The following ADAM22 variants were observed in gnomAD, a reference collection of about 807,000 sequenced individuals.
The protein encoded by ADAM22 is ADAM metallopeptidase domain 22.
ADAM22 carries 65 observed loss-of-function variants against 144.6 expected under a neutral mutation model. That is an observed-to-expected ratio of 0.45 (90% CI 0.37 to 0.55). The LOEUF is 0.55. Ranked by LOEUF, ADAM22 falls within the 20% of genes least tolerant of loss-of-function variation. The probability of loss-of-function intolerance (pLI) is 0.00; values close to 1 mark genes in which losing one functional copy is unlikely to be tolerated. For synonymous variants in ADAM22, 391 were observed against 412.6 expected (o/e 0.95, Z 0.63); for missense variants, 974 against 1,184.9 (o/e 0.82, Z 2.61).
intron 17 of ADAM22, 126 bp downstream of exon 17, chr7:88,145,633 G>C: frequency 1.4e-6 from 1 of 691,650 alleles, no homozygotes; most frequent in Non-Finnish European, 2.4e-6. Flanking sequence ...TAAGTGCCAG[G>C]TGCTTTATAG....
intron 14 of ADAM22, among the ~76,000 whole-genome samples, 180 bp from the exon 15 acceptor site, chr7:88,142,846 A>G (rs1835191288): frequency 6.6e-6 from 1 of 152,174 alleles, no homozygotes; most frequent in Non-Finnish European, 1.5e-5. Context: ...TCAAAAAAAA[A>G]AAAAAGAAAT....
At chr7:88,088,220 A>G (rs1818918213) in intron 4 of ADAM22, among the ~76,000 whole-genome samples, 1 of 152,198 alleles carries the variant, frequency 6.6e-6, no homozygotes, top group South Asian at 2.1e-4. Flanking sequence ...ACAAAGTAAC[A>G]AGGAATTTGA....
intron 14 of ADAM22, among the ~76,000 whole-genome samples, chr7:88,136,545 A>G (rs962492631): frequency 6.6e-6 from 1 of 152,130 alleles, no homozygotes; most frequent in Non-Finnish European, 1.5e-5. Flanking sequence ...TTTCATTTTT[A>G]TACTGTCCTC....
chr7:87,949,431 G>A (rs936256451), intron 2 of ADAM22, among the ~76,000 whole-genome samples: 1 of 152,188 alleles, frequency 6.6e-6, no homozygotes, highest in Non-Finnish European at 1.5e-5. Flanking sequence ...AATCATTCAT[G>A]TCACTTTATA....
intron 2 of ADAM22, 50 bp downstream of exon 2, chr7:87,935,236 G>T: frequency 6.7e-7 from 1 of 1,501,108 alleles, no homozygotes; most frequent in South Asian, 1.3e-5. Context: ...CGGCCCACCC[G>T]AGACCCCACG....
intron 4 of ADAM22, among the ~76,000 whole-genome samples, chr7:88,085,292 G>A (rs1014314818): frequency 6.6e-6 from 1 of 151,294 alleles, no homozygotes; most frequent in Non-Finnish European, 1.5e-5. Context: ...ATGGCCATAT[G>A]TATCCTAAGG....
At chr7:88,164,999 A>G (rs11975602) in intron 23 of ADAM22, among the ~76,000 whole-genome samples, 5,535 of 152,082 alleles carry the variant, frequency 0.036, 312 homozygotes, top group African/African-American at 0.12. Context: ...AGGCTGTGTT[A>G]TAGTTACATT....
chr7:88,176,216 G>A (rs953686965), intron 26 of ADAM22, among the ~76,000 whole-genome samples: 5 of 152,024 alleles, frequency 3.3e-5, no homozygotes, highest in South Asian at 2.1e-4. Context: ...CTCGTGATCC[G>A]CCCACCTCAG....
At chr7:87,981,616 G>A (rs1377311945) in intron 3 of ADAM22, among the ~76,000 whole-genome samples, 3 of 152,092 alleles carry the variant, frequency 2.0e-5, no homozygotes, top group African/African-American at 7.2e-5. Flanking sequence ...GTTTAAAAGA[G>A]AACATTCAGT....
chr7:88,051,562 G>A (rs1349916664), intron 3 of ADAM22, among the ~76,000 whole-genome samples: 3 of 150,970 alleles, frequency 2.0e-5, no homozygotes, highest in Admixed American at 6.6e-5. Flanking sequence ...GGGGTGGGGG[G>A]AGGAGGGAGG....
intron 26 of ADAM22, among the ~76,000 whole-genome samples, chr7:88,171,763 A>T (rs1844378598): frequency 6.6e-6 from 1 of 151,766 alleles, no homozygotes; most frequent in Admixed American, 6.6e-5. Context: ...CTGTCATTTA[A>T]TTTTAATGGA....
chr7:87,963,592 A>G (rs1848449120), intron 2 of ADAM22, among the ~76,000 whole-genome samples: 1 of 152,206 alleles, frequency 6.6e-6, no homozygotes. Context: ...ATTTGTCTCC[A>G]GTAGAGGCAA....
chr7:88,198,859 G>C lies in ADAM22; in HGVS notation c.*2368G>C, dbSNP rs1256273492. On this transcript the variant is annotated 3_prime_UTR_variant, in exon 32 of 32. Coordinates refer to ENST00000413139, the MANE Select transcript of ADAM22 (RefSeq NM_001324418.2). ...AGAGGTATATAGTTTGTAATTACCC[G>C]CCTTGGTAATAACCTTCCTGTGGAA... 1 of 152,116 alleles carries C rather than the reference G, an allele frequency of 6.6e-6. No individual in the cohort carries two copies. Among genetic ancestry groups the C allele is most frequent in the Non-Finnish European group, 1.5e-5 (1 of 68,018 alleles). 9.4% of individuals were successfully genotyped at this position (152,116 alleles called of 1,614,324 possible).
Position 87,982,699 on chromosome 7 carries a change from A to AC in ADAM22, c.323+4287_323+4288insC, listed in dbSNP as rs10527361. 9.4e-4 allele frequency among the ~76,000 whole-genome samples: 59 copies of AC among 62,960 alleles called. 7 individuals are homozygous for AC. The highest frequency in any genetic ancestry group is 4.5e-3 in the African/African-American group (59 of 13,118). The allele number at this position is 62,960 out of a possible 152,430, so 41.3% of individuals were successfully genotyped here. On this transcript the variant is annotated intron_variant, in intron 3 of 31. Coordinates refer to ENST00000413139, the MANE Select transcript of ADAM22 (RefSeq NM_001324418.2). ...TATATATATATATATATATATATAT[A>AC]ATTTTTTTTTTTGAGATACAGTTTT...
chr7:87,993,079 C>T (rs1290800885), intron 3 of ADAM22, among the ~76,000 whole-genome samples: 2 of 151,982 alleles, frequency 1.3e-5, no homozygotes, highest in East Asian at 1.9e-4. Flanking sequence ...TGGCTAGTGG[C>T]GTATGGGGTG....
At chr7:88,159,405 A>C (rs189630108) in intron 22 of ADAM22, among the ~76,000 whole-genome samples, 2 of 152,178 alleles carry the variant, frequency 1.3e-5, no homozygotes, top group Non-Finnish European at 2.9e-5. Context: ...ATTTCATTCT[A>C]TGAGGCCAGT....
At chr7:87,976,237 T>C (rs1446500173) in intron 2 of ADAM22, among the ~76,000 whole-genome samples, 1 of 152,188 alleles carries the variant, frequency 6.6e-6, no homozygotes, top group Non-Finnish European at 1.5e-5. Context: ...CACTGAATTA[T>C]GCCCTCCCCA....
intron 3 of ADAM22, among the ~76,000 whole-genome samples, chr7:88,032,501 C>T (rs1030223243): frequency 6.6e-6 from 1 of 152,100 alleles, no homozygotes; most frequent in Non-Finnish European, 1.5e-5. Flanking sequence ...TTTACAGGCT[C>T]ATAGGTGGAA....
chr7:87,981,709 A>G (rs1853470281), intron 3 of ADAM22, among the ~76,000 whole-genome samples: 1 of 152,136 alleles, frequency 6.6e-6, no homozygotes, highest in South Asian at 2.1e-4. Context: ...ATTTGTAGGG[A>G]AAGTAAAAAT....
Sources: gnomAD v4.1 joint callset for allele counts (sites outside exome capture counted in the v4.1 genomes callset) on GRCh38, gnomAD v4.1.1 for gene constraint, MANE v1.5 for transcripts, NCBI Gene and HGNC (gene_info 2026-07-23, HGNC 2026-07-21) for gene names.